The following SYN2 variants were observed in gnomAD, a reference collection of about 807,000 sequenced individuals.
The protein encoded by SYN2 is synapsin II, also known as synapsin-2.
SYN2 carries 19 observed loss-of-function variants against 50.9 expected under a neutral mutation model. The observed-to-expected ratio is 0.37, with a 90% CI of 0.26 to 0.55. The LOEUF is 0.55. SYN2 is among the 20% of genes least tolerant of loss of function. SYN2 has a pLI of 0.81. For synonymous variants in SYN2, 255 were observed against 224.9 expected (o/e 1.13, Z -1.20); for missense variants, 587 against 576.4 (o/e 1.02, Z -0.19).
At chr3:12,069,069 G>C (rs1574921382) in intron 1 of SYN2, among the ~76,000 whole-genome samples, 1 of 152,158 alleles carries the variant, frequency 6.6e-6, no homozygotes, top group East Asian at 1.9e-4. Flanking sequence ...TGTTTTCAAG[G>C]TCCATCCATG....
chr3:12,132,279 G>A (rs1196100110), intron 1 of SYN2, among the ~76,000 whole-genome samples: 2 of 152,174 alleles, frequency 1.3e-5, no homozygotes, highest in East Asian at 1.9e-4. Flanking sequence ...GAGTAGAGCA[G>A]AGTCCTCACC....
intron 1 of SYN2, among the ~76,000 whole-genome samples, chr3:12,056,591 CTT>C (rs1694995223): frequency 6.6e-6 from 1 of 152,150 alleles, no homozygotes; most frequent in African/African-American, 2.4e-5. Flanking sequence ...GTATACTAGA[CTT>C]TGTACTAGAG....
chr3:12,152,194 T>C (rs892872123), intron 5 of SYN2, among the ~76,000 whole-genome samples: 4 of 152,216 alleles, frequency 2.6e-5, no homozygotes, highest in African/African-American at 9.7e-5. Context: ...TTCTGACACA[T>C]TGTGCATGGC....
At chr3:12,044,251 G>A (rs971657878) in intron 1 of SYN2, among the ~76,000 whole-genome samples, 1 of 151,224 alleles carries the variant, frequency 6.6e-6, no homozygotes, top group East Asian at 1.9e-4. Context: ...AGTGAGGAGA[G>A]GGCAGTAAGA....
intron 1 of SYN2, among the ~76,000 whole-genome samples, chr3:12,119,050 A>G (rs1264105407): frequency 6.6e-6 from 1 of 152,208 alleles, no homozygotes; most frequent in Non-Finnish European, 1.5e-5. Flanking sequence ...TGTATTGGAA[A>G]GTGCAGCCTT....
At chr3:12,186,262 G>C (rs553501860) in intron 11 of SYN2, among the ~76,000 whole-genome samples, 3 of 152,150 alleles carry the variant, frequency 2.0e-5, no homozygotes, top group African/African-American at 7.2e-5. Context: ...CAGGGCAGTC[G>C]TGCATCATTT....
At chr3:12,130,099 G>A (rs1053136509) in intron 1 of SYN2, among the ~76,000 whole-genome samples, 3 of 152,096 alleles carry the variant, frequency 2.0e-5, no homozygotes, top group African/African-American at 4.8e-5. Flanking sequence ...GTTTAAGCCA[G>A]CCAGTCTATG....
intron 12 of SYN2, among the ~76,000 whole-genome samples, chr3:12,189,522 G>GA (rs780337248): frequency 8.5e-5 from 13 of 152,158 alleles, no homozygotes; most frequent in Non-Finnish European, 1.6e-4. Context: ...TAAGAACAGG[G>GA]AAATTGCCGG....
At chr3:12,174,671 G>A (rs1191035229) in intron 10 of SYN2, among the ~76,000 whole-genome samples, 6 of 152,084 alleles carry the variant, frequency 3.9e-5, no homozygotes, top group African/African-American at 1.4e-4. Context: ...TAGTAGAGAC[G>A]GGATTTCACC....
At chr3:12,093,976 C>A (rs1241547313) in intron 1 of SYN2, among the ~76,000 whole-genome samples, 1 of 151,702 alleles carries the variant, frequency 6.6e-6, no homozygotes, top group Non-Finnish European at 1.5e-5. Flanking sequence ...TCTGCCTCAG[C>A]CTCCTAAGTA....
At chr3:12,099,088 G>C (rs915585451) in intron 1 of SYN2, among the ~76,000 whole-genome samples, 2 of 151,914 alleles carry the variant, frequency 1.3e-5, no homozygotes, top group Non-Finnish European at 2.9e-5. Context: ...CAGAATTGAA[G>C]GGAAAAATTG....
At chr3:12,098,856 C>CATATATATATATATATATATATAT (rs35420190) in intron 1 of SYN2, among the ~76,000 whole-genome samples, 75 of 133,606 alleles carry the variant, frequency 5.6e-4, no homozygotes, top group African/African-American at 1.6e-3. Flanking sequence ...AAAGCAAAAG[C>CATATATATATATATATATATATAT]ATATATATAT....
chr3:12,156,169 C>G (rs2125229719), intron 5 of SYN2, among the ~76,000 whole-genome samples: 1 of 152,336 alleles, frequency 6.6e-6, no homozygotes, highest in South Asian at 2.1e-4. Flanking sequence ...CACTGCTGTG[C>G]TTTTTCTTTC....
At chr3:12,113,983 G>A (rs1461472218) in intron 1 of SYN2, among the ~76,000 whole-genome samples, 1 of 152,042 alleles carries the variant, frequency 6.6e-6, no homozygotes, top group Non-Finnish European at 1.5e-5. Flanking sequence ...GTAACTCTAT[G>A]TTTAACTTCC....
intron 1 of SYN2, among the ~76,000 whole-genome samples, chr3:12,057,519 A>G (rs1695021478): frequency 6.6e-6 from 1 of 152,194 alleles, no homozygotes; most frequent in African/African-American, 2.4e-5. Flanking sequence ...GACTTTAGCC[A>G]TGAACATTGT....
intron 1 of SYN2, among the ~76,000 whole-genome samples, chr3:12,052,290 C>T (rs933544342): frequency 3.9e-4 from 59 of 151,560 alleles, no homozygotes; most frequent in African/African-American, 1.3e-3. Context: ...CTGTTCTATT[C>T]ATTTCTTTTT....
At chr3:12,024,975 G>C (rs1027299371) in intron 1 of SYN2, among the ~76,000 whole-genome samples, 1 of 152,202 alleles carries the variant, frequency 6.6e-6, no homozygotes, top group African/African-American at 2.4e-5. Context: ...AGACTGGGAG[G>C]CTTAAACAAC....
chr3:12,148,982 T>A (rs980893956), intron 4 of SYN2, among the ~76,000 whole-genome samples: 3 of 152,204 alleles, frequency 2.0e-5, no homozygotes, highest in Non-Finnish European at 4.4e-5. Flanking sequence ...TGTGATTTAA[T>A]CTAAGTTTCC....
chr3:12,126,745 T>C (rs1367623674), intron 1 of SYN2, among the ~76,000 whole-genome samples: 2 of 152,216 alleles, frequency 1.3e-5, no homozygotes, highest in East Asian at 1.9e-4. Flanking sequence ...ATCTACCTTA[T>C]ATAATTCATT....
Sources: allele counts gnomAD v4.1 joint callset (sites outside exome capture counted in the v4.1 genomes callset), GRCh38; gene constraint gnomAD v4.1.1; transcripts MANE v1.5; gene names NCBI Gene and HGNC (gene_info 2026-07-23, HGNC 2026-07-21).